WBP4: variants seen among roughly 807,000 people sequenced by gnomAD.
WBP4 encodes the protein WW domain-binding protein 4.
Under a neutral mutation model 55.4 loss-of-function variants are expected in WBP4, and 37 were observed. The observed-to-expected ratio is 0.67, with a 90% confidence interval of 0.51 to 0.88. The LOEUF (loss-of-function observed/expected upper bound fraction) is 0.88. Ranked by LOEUF, WBP4 falls within the 40% of genes least tolerant of loss-of-function variation. WBP4 has a pLI of 0.00. For synonymous variants in WBP4, 142 were observed against 140.2 expected (o/e 1.01, Z -0.09); for missense variants, 398 against 420.8 (o/e 0.95, Z 0.47).
At chr13:41,068,958 T>C (rs1023668866) in intron 5 of WBP4, among the ~76,000 whole-genome samples, 1 of 152,230 alleles carries the variant, frequency 6.6e-6, no homozygotes, top group African/African-American at 2.4e-5. Flanking sequence ...TGATAATGAC[T>C]TTCTTACAAA....
At chr13:41,065,424 G>T in intron 4 of WBP4, 137 bp downstream of exon 4, 1 of 1,245,546 alleles carries the variant, frequency 8.0e-7, no homozygotes, top group Non-Finnish European at 1.1e-6. Flanking sequence ...ATGCATCATA[G>T]CCCTGTTTAG....
Position 41,073,461 on chromosome 13 carries a change from C to T in WBP4, c.562+604C>T, listed in dbSNP as rs993835287. 3.3e-5 allele frequency among the ~76,000 whole-genome samples: 5 copies of T among 151,352 alleles called. No homozygotes were observed. The East Asian group carries it at 9.7e-4, about 30-fold the overall frequency. ...CTGGGAGGCGGAGGTTGCAGTGACC[C>T]GAGATCGTGCCATTGCACTCCAGCC... On this transcript the variant is annotated intron_variant, in intron 7 of 9. Coordinates refer to ENST00000379487, the MANE Select transcript of WBP4 (RefSeq NM_007187.5).
chr13:41,077,956 A>G (rs188132023), intron 8 of WBP4, among the ~76,000 whole-genome samples: 2 of 152,320 alleles, frequency 1.3e-5, no homozygotes, highest in East Asian at 3.9e-4. Context: ...GATCCCTACA[A>G]AATGAACTAC....
chr13:41,076,359 A>ACC, intron 8 of WBP4, 122 bp downstream of exon 8: 1 of 731,320 alleles, frequency 1.4e-6, no homozygotes, highest in Non-Finnish European at 2.0e-6. Flanking sequence ...GCTCACTGTA[A>ACC]CCTCCACCTT....
chr13:41,080,544 ATTG>A (rs1304908045), intron 8 of WBP4, 99 bp from the exon 9 acceptor site: 3 of 864,438 alleles, frequency 3.5e-6, no homozygotes, highest in Admixed American at 6.7e-5. Context: ...TTAGTGAATT[ATTG>A]TTTATAAATC....
intron 7 of WBP4, among the ~76,000 whole-genome samples, chr13:41,075,358 T>C (rs1878433819): frequency 2.6e-5 from 4 of 152,176 alleles, no homozygotes; most frequent in African/African-American, 9.7e-5. Flanking sequence ...CAATGTAATT[T>C]CACTCCATGA....
intron 2 of WBP4, among the ~76,000 whole-genome samples, chr13:41,063,562 A>T (rs1877808493): frequency 6.6e-6 from 1 of 152,074 alleles, no homozygotes; most frequent in African/African-American, 2.4e-5. Context: ...AATACCATGA[A>T]TTTTTAAAAC....
chr13:41,082,325 C>T (rs1378477472), intron 9 of WBP4, among the ~76,000 whole-genome samples: 2 of 151,964 alleles, frequency 1.3e-5, no homozygotes, highest in South Asian at 2.1e-4. Flanking sequence ...GTTACCCAGG[C>T]GCATCTCGAA....
At chr13:41,067,324 T>C (rs893444609) in intron 4 of WBP4, among the ~76,000 whole-genome samples, 2 of 152,258 alleles carry the variant, frequency 1.3e-5, no homozygotes, top group African/African-American at 4.8e-5. Context: ...TGGTCATTCT[T>C]TTCACTACTT....
intron 9 of WBP4, among the ~76,000 whole-genome samples, chr13:41,081,166 C>T (rs1350668368): frequency 6.6e-6 from 1 of 151,906 alleles, no homozygotes; most frequent in Admixed American, 6.6e-5. Context: ...CACTGGACTC[C>T]AGCCTAGCAG....
intron 8 of WBP4, among the ~76,000 whole-genome samples, 162 bp downstream of exon 8, chr13:41,076,399 C>T (rs1878496113): frequency 6.7e-6 from 1 of 150,312 alleles, no homozygotes; most frequent in African/African-American, 2.4e-5. Flanking sequence ...CTGCCTCAGC[C>T]TCCCGAGTAG....
chr13:41,074,465 A>T (rs1878390625), intron 7 of WBP4, among the ~76,000 whole-genome samples: 1 of 152,142 alleles, frequency 6.6e-6, no homozygotes, highest in Non-Finnish European at 1.5e-5. Flanking sequence ...AGTACAATTG[A>T]AGGTTGGGAT....
At position 41,068,599 on chromosome 13, in the gene WBP4, A is replaced by T. The variant is rs1249770092; in HGVS notation, c.301A>T (p.Ile101Phe). The change falls in exon 5 of 10, where the codon ATC becomes TTC. Residue 101 changes from isoleucine to phenylalanine, a missense_variant. Ile to Phe is a conservative substitution (Grantham distance 21). Coordinates refer to ENST00000379487, the MANE Select transcript of WBP4 (RefSeq NM_007187.5). ...AAGCATAACACCAGTAACCAGCACT[A>T]TCCCACCTACCTCGACATCAAATCA... is the stretch of plus-strand genomic sequence containing the variant. ...EPSITPVTST[I>F]PPTSTSNQQK... is the part of the protein sequence containing the mutation. 5 of 1,613,166 alleles carry T rather than the reference A, an allele frequency of 3.1e-6. No homozygotes were observed. Among genetic ancestry groups the T allele is most frequent in the Non-Finnish European group, 4.2e-6 (5 of 1,179,716 alleles).
chr13:41,080,370 GAAGTT>G (rs1481715547), intron 8 of WBP4, among the ~76,000 whole-genome samples: 4 of 152,254 alleles, frequency 2.6e-5, no homozygotes, highest in East Asian at 1.9e-4. Context: ...GCAGAAGAGA[GAAGTT>G]AAGAGAGCCC....
chr13:41,078,381 T>C (rs1878595320), intron 8 of WBP4, among the ~76,000 whole-genome samples: 1 of 152,048 alleles, frequency 6.6e-6, no homozygotes, highest in Admixed American at 6.6e-5. Flanking sequence ...AACAAAAATA[T>C]ACACTGGGGA....
intron 2 of WBP4, among the ~76,000 whole-genome samples, chr13:41,063,711 C>G (rs1001245601): frequency 2.0e-5 from 3 of 151,890 alleles, no homozygotes; most frequent in Non-Finnish European, 4.4e-5. Flanking sequence ...ATTGATTTAA[C>G]CTTTAATTAG....
At position 41,062,766 on chromosome 13, in the gene WBP4, AG is replaced by A. The variant is rs758346989; in HGVS notation, c.75+51del. ...TTCTAATAATAATTGTGTTGAATGA[AG>A]TGCTCCTTTTTGATGTAAACTCAGT... On this transcript the variant is annotated intron_variant, in intron 2 of 9. Coordinates refer to ENST00000379487, the MANE Select transcript of WBP4 (RefSeq NM_007187.5). 4.0e-5 allele frequency: 62 copies of A among 1,530,894 alleles called. 1 individual carries two copies. In the South Asian group the frequency reaches 7.1e-4, roughly 18 times the overall value. 94.8% of individuals were successfully genotyped at this position (1,530,894 alleles called of 1,614,324 possible).
At chr13:41,082,318 ACCCAGGCG>A (rs1036611701) in intron 9 of WBP4, among the ~76,000 whole-genome samples, 4 of 152,056 alleles carry the variant, frequency 2.6e-5, no homozygotes, top group Non-Finnish European at 5.9e-5. Context: ...TTGCCATGTT[ACCCAGGCG>A]CATCTCGAAA....
At chr13:41,062,056 C>G in intron 1 of WBP4, 1 of 984,164 alleles carries the variant, frequency 1.0e-6, no homozygotes, top group Admixed American at 6.2e-5. Context: ...CTGCGGCCTC[C>G]CCCGCCCACT....
Sources: gnomAD v4.1 joint callset for allele counts (sites outside exome capture counted in the v4.1 genomes callset) on GRCh38, gnomAD v4.1.1 for gene constraint, MANE v1.5 for transcripts, NCBI Gene and HGNC (gene_info 2026-07-23, HGNC 2026-07-21) for gene names.